The following PCDH11X variants were observed in gnomAD, a reference collection of about 807,000 sequenced individuals.
The protein encoded by PCDH11X is protocadherin 11 X-linked, also known as protocadherin-11 X-linked.
A neutral mutation model predicts 53.3 loss-of-function variants in PCDH11X; 18 were observed. The ratio of observed to expected loss-of-function variants is 0.34; its 90% CI spans 0.23 to 0.50. The LOEUF (loss-of-function observed/expected upper bound fraction) is 0.50. Ranked by LOEUF, PCDH11X falls within the 20% of genes least tolerant of loss-of-function variation. The pLI is 0.98. For missense variants in PCDH11X, 570 were observed against 1,032.4 expected (o/e 0.55, Z 6.14); for synonymous variants, 279 against 393.3 (o/e 0.71, Z 3.44).
intron 6 of PCDH11X, among the ~76,000 whole-genome samples, chrX:91,886,823 T>C (rs1468832746): frequency 2.8e-5 from 3 of 107,911 alleles, no homozygotes; most frequent in Middle Eastern, 4.3e-3. Flanking sequence ...TACAAAAAAT[T>C]AGCTGGGCGT....
chrX:92,540,734 C>A (rs903336987), intron 10 of PCDH11X, among the ~76,000 whole-genome samples: 5 of 107,176 alleles, frequency 4.7e-5, no homozygotes, highest in African/African-American at 1.7e-4. Context: ...TCACTCCTTA[C>A]TCTTCAGAGC....
chrX:92,521,338 C>G (rs1449183286), intron 10 of PCDH11X, among the ~76,000 whole-genome samples: 1 of 111,841 alleles, frequency 8.9e-6, no homozygotes, highest in Non-Finnish European at 1.9e-5. Context: ...GCTCGCATGT[C>G]TCCATTAGAG....
chrX:92,226,285 A>G (rs2066969371), intron 7 of PCDH11X, among the ~76,000 whole-genome samples: 2 of 112,255 alleles, frequency 1.8e-5, no homozygotes, highest in African/African-American at 6.5e-5. Flanking sequence ...GCTTAGATTC[A>G]GTGAAGAATG....
At chrX:91,946,254 T>G (rs1329225757) in intron 6 of PCDH11X, among the ~76,000 whole-genome samples, 1 of 108,080 alleles carries the variant, frequency 9.3e-6, no homozygotes, top group Non-Finnish European at 1.9e-5. Context: ...TGCACATTTA[T>G]TTTGCCTTAA....
chrX:91,886,714 G>T (rs1940213345), intron 6 of PCDH11X, among the ~76,000 whole-genome samples: 1 of 109,959 alleles, frequency 9.1e-6, no homozygotes. Flanking sequence ...GCTCATGCCT[G>T]TATTCCCAGT....
At chrX:92,388,478 G>T (rs2148574149) in intron 9 of PCDH11X, among the ~76,000 whole-genome samples, 1 of 104,708 alleles carries the variant, frequency 9.6e-6, no homozygotes, top group East Asian at 3.0e-4. Flanking sequence ...CAGACAGAAG[G>T]CACAAAATCT....
At chrX:91,853,144 T>G (rs2147664686) in intron 5 of PCDH11X, among the ~76,000 whole-genome samples, 1 of 109,545 alleles carries the variant, frequency 9.1e-6, no homozygotes, top group Non-Finnish European at 1.9e-5. Flanking sequence ...ATGTTATAAT[T>G]TATCGTAAAT....
intron 6 of PCDH11X, among the ~76,000 whole-genome samples, chrX:92,133,799 A>G (rs1487679698): frequency 8.9e-6 from 1 of 112,519 alleles, no homozygotes; most frequent in Non-Finnish European, 1.9e-5. Flanking sequence ...ACTGTAAACC[A>G]AAAAGTATCT....
In PCDH11X at chrX:92,320,256, T is replaced by C. The variant is rs188520792; in HGVS notation, c.3144+57113T>C. Among the ~76,000 whole-genome samples the C allele has an allele frequency of 2.9e-3, 321 of 111,407 alleles. 6 individuals carry two copies. The East Asian group carries it at 0.055, about 19-fold the overall frequency. ...AGCAATCATTATAGTAGACAAAAGT[T>C]CTAGCTCACATGCCTCTGAGTTTTT... is the stretch of plus-strand genomic sequence containing the variant. On this transcript the variant is annotated intron_variant, in intron 8 of 10. Transcript: ENST00000682573.
At chrX:91,983,085 G>A in intron 6 of PCDH11X, 2 of 1,135,835 alleles carry the variant, frequency 1.8e-6, no homozygotes, top group Admixed American at 2.2e-5. Context: ...CACCAGAGCA[G>A]CCCGGATGGA....
intron 6 of PCDH11X, among the ~76,000 whole-genome samples, chrX:92,148,770 ATG>A (rs1255686570): frequency 1.5e-4 from 16 of 107,052 alleles, no homozygotes; most frequent in South Asian, 4.1e-4. Flanking sequence ...TTATATATAT[ATG>A]TGTGTGTATA....
intron 4 of PCDH11X, among the ~76,000 whole-genome samples, chrX:91,823,945 G>C (rs1189928235): frequency 4.5e-5 from 5 of 110,048 alleles, no homozygotes; most frequent in East Asian, 2.9e-4. Context: ...GCTTAGTTTG[G>C]CTGGATATGA....
chrX:91,903,656 C>CGTGT (rs61017416), intron 6 of PCDH11X, among the ~76,000 whole-genome samples: 5,967 of 93,805 alleles, frequency 0.064, 309 homozygotes, highest in African/African-American at 0.17. Context: ...CCTCTATGTG[C>CGTGT]GTGTGTGTGT....
chrX:92,142,857 A>C (rs2148219586), intron 6 of PCDH11X, among the ~76,000 whole-genome samples: 1 of 109,220 alleles, frequency 9.2e-6, no homozygotes, highest in East Asian at 2.9e-4. Flanking sequence ...GTGTATATAT[A>C]TATACACACA....
rs748411858 is a variant in PCDH11X, at chrX:92,304,080, G to C, written c.3144+40937G>C. ...ATCAAAAGAACACTGTTTTATTCCT[G>C]TGTTATGTTTAGGTTATGTCTCCCA... On this transcript the variant is annotated intron_variant, in intron 8 of 10. Coordinates refer to ENST00000682573, the MANE Select transcript of PCDH11X (RefSeq NM_032968.5). 4.9e-3 allele frequency among the ~76,000 whole-genome samples: 525 copies of C among 106,657 alleles called. 5 individuals are homozygous for C. The highest frequency in any genetic ancestry group is 0.017 in the African/African-American group (501 of 28,983). 92.6% of individuals were successfully genotyped at this position (106,657 alleles called of 115,157 possible).
intron 7 of PCDH11X, among the ~76,000 whole-genome samples, chrX:92,235,078 G>A (rs547886358): frequency 1.8e-5 from 2 of 111,035 alleles, no homozygotes; most frequent in Non-Finnish European, 3.8e-5. Context: ...TGAAGAAACT[G>A]CTGCTTCAGA....
At chrX:92,139,383 C>G (rs1187419765) in intron 6 of PCDH11X, among the ~76,000 whole-genome samples, 2 of 103,847 alleles carry the variant, frequency 1.9e-5, no homozygotes, top group African/African-American at 7.1e-5. Context: ...TCAAGCGATT[C>G]TCCTGCCTCA....
At chrX:92,226,911 G>A (rs1299248994) in intron 7 of PCDH11X, among the ~76,000 whole-genome samples, 1 of 111,602 alleles carries the variant, frequency 9.0e-6, no homozygotes, top group African/African-American at 3.3e-5. Flanking sequence ...ACTCTCAAGT[G>A]GCTTGTTTAC....
chrX:92,121,985 T>G (rs1602985206), intron 6 of PCDH11X, among the ~76,000 whole-genome samples: 1 of 103,745 alleles, frequency 9.6e-6, no homozygotes, highest in Admixed American at 1.0e-4. Context: ...ATTTCTGTTT[T>G]TTTTTTTTTT....
Sources: gnomAD v4.1 joint callset for allele counts (sites outside exome capture counted in the v4.1 genomes callset) on GRCh38, gnomAD v4.1.1 for gene constraint, MANE v1.5 for transcripts, NCBI Gene and HGNC (gene_info 2026-07-23, HGNC 2026-07-21) for gene names.